Variants in KIF16B observed in about 807,000 individuals in gnomAD.
The protein encoded by KIF16B is kinesin family member 16B, also known as kinesin-like protein KIF16B.
In KIF16B, 98 loss-of-function variants were observed where a neutral mutation model predicts 156.3. The ratio of observed to expected loss-of-function variants is 0.63; its 90% confidence interval spans 0.53 to 0.74. The LOEUF (loss-of-function observed/expected upper bound fraction) is 0.74, where lower values mean the gene tolerates loss of function less well. KIF16B is among the 30% of genes least tolerant of loss of function. The pLI is 0.00. For missense variants in KIF16B, 1,421 were observed against 1,606.5 expected (o/e 0.88, Z 1.97); for synonymous variants, 564 against 583.7 (o/e 0.97, Z 0.49).
chr20:16,417,221 T>C (rs2066112258), intron 15 of KIF16B, among the ~76,000 whole-genome samples: 2 of 152,144 alleles, frequency 1.3e-5, no homozygotes, highest in South Asian at 4.2e-4. Context: ...CCCCTATGTG[T>C]GTACACGTGG....
chr20:16,280,423 C>A (rs1009528410), intron 25 of KIF16B, among the ~76,000 whole-genome samples: 4 of 152,156 alleles, frequency 2.6e-5, no homozygotes, highest in Non-Finnish European at 5.9e-5. Context: ...GAGAGCAAGG[C>A]CAAGGCCAGC....
chr20:16,280,467 G>A (rs2063128111), intron 25 of KIF16B, among the ~76,000 whole-genome samples: 1 of 152,258 alleles, frequency 6.6e-6, no homozygotes, highest in South Asian at 2.1e-4. Context: ...ACAGCAGGAT[G>A]TGAAGCAGAA....
chr20:16,471,358 T>C (rs1241686940), intron 12 of KIF16B, among the ~76,000 whole-genome samples: 2 of 152,218 alleles, frequency 1.3e-5, no homozygotes, highest in Middle Eastern at 3.2e-3. Context: ...GCTTTCTCTC[T>C]GATGGAAAGT....
At chr20:16,377,443 G>C (rs1406238751) in intron 19 of KIF16B, among the ~76,000 whole-genome samples, 3 of 143,936 alleles carry the variant, frequency 2.1e-5, no homozygotes, top group South Asian at 4.2e-4. Context: ...AAATAGCCAG[G>C]CATGGTAGTA....
chr20:16,316,395 T>C (rs1438796137), intron 24 of KIF16B, among the ~76,000 whole-genome samples: 5 of 152,154 alleles, frequency 3.3e-5, no homozygotes, highest in Admixed American at 1.3e-4. Context: ...AGTGAAAGCA[T>C]TGGGATAGCA....
intron 25 of KIF16B, among the ~76,000 whole-genome samples, chr20:16,274,512 G>T (rs2063032166): frequency 6.6e-6 from 1 of 152,188 alleles, no homozygotes; most frequent in African/African-American, 2.4e-5. Context: ...TGGGCTGGAG[G>T]GAAGGGGTTA....
At chr20:16,412,451 C>G (rs948750766) in intron 15 of KIF16B, among the ~76,000 whole-genome samples, 3 of 151,932 alleles carry the variant, frequency 2.0e-5, no homozygotes, top group Non-Finnish European at 4.4e-5. Flanking sequence ...TCTCATACTG[C>G]CAATAAAGAT....
At chr20:16,508,925 C>T (rs143038107) in intron 6 of KIF16B, among the ~76,000 whole-genome samples, 264 of 152,250 alleles carry the variant, frequency 1.7e-3, no homozygotes, top group African/African-American at 6.1e-3. Context: ...TCAAAGGCTA[C>T]ACAGTTACAC....
At chr20:16,442,918 A>G (rs1464436004) in intron 12 of KIF16B, among the ~76,000 whole-genome samples, 3 of 152,210 alleles carry the variant, frequency 2.0e-5, no homozygotes, top group Non-Finnish European at 2.9e-5. Context: ...TGAAAGACGT[A>G]CACTGCCCAT....
intron 5 of KIF16B, among the ~76,000 whole-genome samples, chr20:16,511,784 T>C (rs886703896): frequency 6.6e-6 from 1 of 152,164 alleles, no homozygotes; most frequent in Non-Finnish European, 1.5e-5. Context: ...ATTGCTATAA[T>C]GTTGACGAGA....
intron 22 of KIF16B, among the ~76,000 whole-genome samples, chr20:16,359,163 C>T (rs185862548): frequency 5.0e-4 from 76 of 152,152 alleles, no homozygotes; most frequent in South Asian, 1.0e-3. Flanking sequence ...ACTGGTGATA[C>T]GGTTTGGATA....
At chr20:16,369,166 T>C in intron 22 of KIF16B, 13 of 985,866 alleles carry the variant, frequency 1.3e-5, no homozygotes, top group Non-Finnish European at 1.4e-5. Flanking sequence ...GTGGTCGTTC[T>C]GATCCACCTC....
chr20:16,333,352 C>T (rs2063982829), intron 24 of KIF16B, among the ~76,000 whole-genome samples: 1 of 152,204 alleles, frequency 6.6e-6, no homozygotes, highest in Non-Finnish European at 1.5e-5. Flanking sequence ...CACACTATCA[C>T]AAGGCCTGGT....
chr20:16,498,817 T>C (rs959451062), intron 10 of KIF16B, among the ~76,000 whole-genome samples: 4 of 111,464 alleles, frequency 3.6e-5, no homozygotes, highest in African/African-American at 1.1e-4. Flanking sequence ...TTATTTTTTA[T>C]AATTGCCAAG....
At chr20:16,419,837 T>C (rs967490015) in intron 15 of KIF16B, among the ~76,000 whole-genome samples, 1 of 152,172 alleles carries the variant, frequency 6.6e-6, no homozygotes, top group Non-Finnish European at 1.5e-5. Flanking sequence ...CATCTGACTG[T>C]TGTATCATTT....
chr20:16,546,161 T>C (rs528441021), intron 1 of KIF16B, among the ~76,000 whole-genome samples: 95 of 152,228 alleles, frequency 6.2e-4, no homozygotes, highest in Non-Finnish European at 1.2e-3. Flanking sequence ...GAGGGGGCAC[T>C]AGGTTTGGGG....
In KIF16B at chr20:16,492,476, C is replaced by T. The variant is rs562080948; in HGVS notation, c.1302+1815G>A. Among the ~76,000 whole-genome samples, 5 of 152,260 alleles carry T rather than the reference C, an allele frequency of 3.3e-5. No homozygotes were observed. In the South Asian group the frequency reaches 1.0e-3, roughly 32 times the overall value. ...TCTCCTTTCTCATAAAGTTTAACAC[C>T]TAGCATGCATCACATTTTTCCCTTC... On this transcript the variant is annotated intron_variant, in intron 12 of 25. Transcript: ENST00000354981.
At chr20:16,474,510 G>A (rs986271405) in intron 12 of KIF16B, among the ~76,000 whole-genome samples, 2 of 152,188 alleles carry the variant, frequency 1.3e-5, no homozygotes, top group Non-Finnish European at 2.9e-5. Flanking sequence ...ATACTCAGCT[G>A]AAGAAACAAC....
intron 25 of KIF16B, among the ~76,000 whole-genome samples, chr20:16,288,150 A>G (rs985750454): frequency 6.6e-6 from 1 of 152,206 alleles, no homozygotes; most frequent in Non-Finnish European, 1.5e-5. Flanking sequence ...TTTGAGCTCT[A>G]ATGCAGCACC....
Sources: gnomAD v4.1 joint callset for allele counts (sites outside exome capture counted in the v4.1 genomes callset) on GRCh38, gnomAD v4.1.1 for gene constraint, MANE v1.5 for transcripts, NCBI Gene and HGNC (gene_info 2026-07-23, HGNC 2026-07-21) for gene names.